MTA3: variants seen among roughly 807,000 people sequenced by gnomAD.
MTA3 encodes metastasis-associated protein MTA3.
In MTA3, 34 loss-of-function variants were observed where a neutral mutation model predicts 83.5. The observed-to-expected ratio is 0.41, with a 90% CI of 0.31 to 0.54. The LOEUF (loss-of-function observed/expected upper bound fraction) is 0.54, where lower values mean the gene tolerates loss of function less well. Ranked by LOEUF, MTA3 falls within the 20% of genes least tolerant of loss-of-function variation. The pLI is 0.33. For synonymous variants in MTA3, 303 were observed against 252.7 expected, an observed-to-expected ratio of 1.20 and a Z score of -1.89; for missense variants, 761 against 726.4, an observed-to-expected ratio of 1.05 and a Z score of -0.55.
chr2:42,738,535 T>C (rs1232924556), intron 16 of MTA3, among the ~76,000 whole-genome samples: 1 of 152,196 alleles, frequency 6.6e-6, no homozygotes, highest in South Asian at 2.1e-4. Context: ...ATGTGATAAT[T>C]GCATTAACTG....
chr2:42,508,468 A>G (rs886822908), intron 2 of MTA3, among the ~76,000 whole-genome samples: 1 of 151,944 alleles, frequency 6.6e-6, no homozygotes, highest in Non-Finnish European at 1.5e-5. Flanking sequence ...AGCATCTGGG[A>G]CTACAGGCGT....
intron 4 of MTA3, among the ~76,000 whole-genome samples, chr2:42,615,738 T>TTTTTTTG: frequency 7.0e-6 from 1 of 143,676 alleles, no homozygotes; most frequent in Non-Finnish European, 1.5e-5. Context: ...TTTTTTTTTT[T>TTTTTTTG]GAGACGGAGT....
intron 2 of MTA3, among the ~76,000 whole-genome samples, chr2:42,502,989 T>TA (rs915166524): frequency 2.7e-5 from 4 of 148,196 alleles, no homozygotes; most frequent in East Asian, 2.0e-4. Context: ...AATAAAACAT[T>TA]AAAAAAAAAG....
intron 3 of MTA3, among the ~76,000 whole-genome samples, chr2:42,603,381 A>G (rs944786282): frequency 6.6e-6 from 1 of 152,176 alleles, no homozygotes; most frequent in Admixed American, 6.6e-5. Flanking sequence ...TTGTTTTAAA[A>G]TTGATAGCAA....
intron 4 of MTA3, among the ~76,000 whole-genome samples, chr2:42,611,431 A>G (rs555870814): frequency 6.6e-6 from 1 of 152,234 alleles, no homozygotes; most frequent in African/African-American, 2.4e-5. Context: ...GGCAGGAAGT[A>G]TGTGATAAAG....
Position 42,505,985 on chromosome 2 carries a change from G to A in MTA3, c.-141+10731G>A, listed in dbSNP as rs372888071. Among the ~76,000 whole-genome samples, 936 of 151,892 alleles carry A rather than the reference G, an allele frequency of 6.2e-3. 3 individuals are homozygous for A. Among genetic ancestry groups the A allele is most frequent in the Middle Eastern group, 0.017 (5 of 294 alleles). On this transcript the variant is annotated intron_variant, in intron 2 of 17. Coordinates refer to the MTA3 transcript ENST00000405592. Reference sequence around the variant, plus strand: ...TCACCGTGTCAGCCAGGCTGGTCTCGAACTCCTGACCTCAAATGATCTGCC... The same window carrying A: ...TCACCGTGTCAGCCAGGCTGGTCTCAAACTCCTGACCTCAAATGATCTGCC...
chr2:42,694,402 G>A (rs998823972), intron 9 of MTA3, among the ~76,000 whole-genome samples: 1 of 152,160 alleles, frequency 6.6e-6, no homozygotes, highest in African/African-American at 2.4e-5. Context: ...TTCAGCCCAT[G>A]GTCATGAGGC....
At position 42,694,460 on chromosome 2, in the gene MTA3, T is replaced by C. The variant is rs540802031; in HGVS notation, c.892-1305T>C. Among the ~76,000 whole-genome samples, 15 of 152,286 alleles carry C rather than the reference T, an allele frequency of 9.8e-5. No individual in the cohort carries two copies. In the East Asian group the frequency reaches 2.7e-3, roughly 27 times the overall value. ...ACCGATAGGATAGGTGATTACCCTC[T>C]GGCTAGGTCTGGTACAGATTCTCCC... On this transcript the variant is annotated intron_variant, in intron 9 of 16. Transcript: ENST00000405094.
intron 3 of MTA3, among the ~76,000 whole-genome samples, chr2:42,590,251 G>A (rs193114196): frequency 1.6e-4 from 25 of 152,230 alleles, no homozygotes; most frequent in Admixed American, 1.6e-3. Flanking sequence ...AATGGGAGAT[G>A]GTTGGGTCAT....
At chr2:42,594,632 A>G (rs1681463156) in intron 3 of MTA3, among the ~76,000 whole-genome samples, 1 of 101,064 alleles carries the variant, frequency 9.9e-6, no homozygotes, top group Non-Finnish European at 1.9e-5. Context: ...GAAGTGGAAC[A>G]TCTTTTTATA....
At chr2:42,676,441 G>T (rs959843702) in intron 8 of MTA3, among the ~76,000 whole-genome samples, 1 of 152,276 alleles carries the variant, frequency 6.6e-6, no homozygotes, top group African/African-American at 2.4e-5. Context: ...ACTTAATTCT[G>T]TGACTGGTTT....
At chr2:42,514,929 G>A (rs569139154) in intron 2 of MTA3, among the ~76,000 whole-genome samples, 14 of 150,694 alleles carry the variant, frequency 9.3e-5, no homozygotes, top group Non-Finnish European at 1.0e-4. Context: ...AGCCTCAAGC[G>A]ATTGTCCTGC....
At chr2:42,695,634 C>CAA (rs70963347) in intron 9 of MTA3, 131 bp from the exon 10 acceptor site, 6,022 of 130,308 alleles carry the variant, frequency 0.046, 501 homozygotes, top group African/African-American at 0.11. Context: ...CAGTCTATCT[C>CAA]AAAAAAAAAA....
intron 1 of MTA3, chr2:42,569,922 C>T (rs968521382): frequency 7.2e-5 from 11 of 151,900 alleles, no homozygotes; most frequent in African/African-American, 2.4e-4. Flanking sequence ...AGTTTGTCAG[C>T]GTTCTTCCTC....
chr2:42,654,995 G>C (rs1206465249), intron 6 of MTA3, among the ~76,000 whole-genome samples: 1 of 152,134 alleles, frequency 6.6e-6, no homozygotes, highest in Non-Finnish European at 1.5e-5. Flanking sequence ...GTCTGTCACT[G>C]ACATTCCCAA....
At chr2:42,547,397 T>G (rs1435825527) in intron 2 of MTA3, among the ~76,000 whole-genome samples, 1 of 152,258 alleles carries the variant, frequency 6.6e-6, no homozygotes. Context: ...GCGCAATCTC[T>G]GCTCACTGCA....
intron 2 of MTA3, among the ~76,000 whole-genome samples, chr2:42,556,743 C>T (rs1677410588): frequency 6.6e-6 from 1 of 152,102 alleles, no homozygotes; most frequent in South Asian, 2.1e-4. Context: ...TCTGAGGGGC[C>T]TTTGAGGGGC....
At chr2:42,685,487 C>T (rs1692289405) in intron 9 of MTA3, among the ~76,000 whole-genome samples, 1 of 152,240 alleles carries the variant, frequency 6.6e-6, no homozygotes, top group Admixed American at 6.5e-5. Context: ...GAAGCTAACA[C>T]TCTACCTGTG....
chr2:42,756,549 G>A lies in MTA3; in HGVS notation c.*3150G>A, dbSNP rs1031579089. 2 of 985,604 alleles carry A rather than the reference G, an allele frequency of 2.0e-6. No homozygotes were observed. Among genetic ancestry groups the A allele is most frequent in the Admixed American group, 1.2e-4 (2 of 16,260 alleles). The allele number at this position is 985,604 out of a possible 1,614,324, so 61.1% of individuals were successfully genotyped here. On this transcript the variant is annotated 3_prime_UTR_variant, in exon 17 of 17. Coordinates refer to ENST00000405094, the MANE Select transcript of MTA3 (RefSeq NM_001330442.2). The stretch of plus-strand genomic sequence containing the variant: ...GCCCCACTGCTGTCCTAAGTCCCTG[G>A]CGAGGGGAGGTGGAGGAGCTGCCCC...
Sources: allele counts gnomAD v4.1 joint callset (sites outside exome capture counted in the v4.1 genomes callset), GRCh38; gene constraint gnomAD v4.1.1; transcripts MANE v1.5; gene names NCBI Gene and HGNC (gene_info 2026-07-23, HGNC 2026-07-21).